JOSD1: variants seen among roughly 807,000 people sequenced by gnomAD.
JOSD1 encodes the protein Josephin domain containing 1.
In JOSD1, 11 loss-of-function variants were observed where a neutral mutation model predicts 24.3. The observed-to-expected ratio is 0.45, with a 90% CI of 0.29 to 0.75. JOSD1 has a LOEUF of 0.75. Among genes scored for constraint, JOSD1 ranks in the 30% least tolerant of loss-of-function variants. The probability of loss-of-function intolerance (pLI) is 0.11; values close to 1 mark genes in which losing one functional copy is unlikely to be tolerated. For synonymous variants in JOSD1, 106 were observed against 93.8 expected (o/e 1.13, Z -0.75); for missense variants, 184 against 253.5 (o/e 0.73, Z 1.86).
At position 38,700,029 on chromosome 22, in the gene JOSD1, C is replaced by T. The variant is rs754088885; in HGVS notation, c.-42G>A. On this transcript the variant is annotated 5_prime_UTR_variant, in exon 2 of 5. The change creates a new upstream start codon in the 5' untranslated region. Coordinates refer to ENST00000683374, the MANE Select transcript of JOSD1 (RefSeq NM_001360236.2). ...TCCAGAGATGGCTATAAACACCCCA[C>T]TCTTCCCTCTAGAGGAAGAATGTAA... is the stretch of plus-strand genomic sequence containing the variant. 5.2e-6 allele frequency: 8 copies of T among 1,538,986 alleles called. No homozygotes were observed. Among genetic ancestry groups the T allele is most frequent in the East Asian group, 4.5e-5 (2 of 44,178 alleles).
At chr22:38,688,240 G>C (rs1056032095) in intron 4 of JOSD1, among the ~76,000 whole-genome samples, 1 of 152,168 alleles carries the variant, frequency 6.6e-6, no homozygotes, top group Non-Finnish European at 1.5e-5. Context: ...GTGAATAACA[G>C]TACCCAAAGT....
At chr22:38,691,611 T>C (rs1048424447) in intron 2 of JOSD1, among the ~76,000 whole-genome samples, 1 of 152,210 alleles carries the variant, frequency 6.6e-6, no homozygotes, top group Non-Finnish European at 1.5e-5. Flanking sequence ...CTGTCTAGAA[T>C]GTTCTTTCTG....
At chr22:38,688,806 TA>T in intron 4 of JOSD1, 128 bp downstream of exon 4, 1 of 854,354 alleles carries the variant, frequency 1.2e-6, no homozygotes, top group Non-Finnish European at 1.8e-6. Flanking sequence ...ACTATGATTC[TA>T]AGGCAGGGAG....
At chr22:38,690,352 ATCTTG>A (rs1318899975) in intron 2 of JOSD1, among the ~76,000 whole-genome samples, 2 of 152,060 alleles carry the variant, frequency 1.3e-5, no homozygotes, top group African/African-American at 4.8e-5. Flanking sequence ...AACTTAAGAA[ATCTTG>A]TATTTTTAAA....
Position 38,686,165 on chromosome 22 carries a change from G to A in JOSD1, c.*1737C>T, listed in dbSNP as rs116682542. The A allele has an allele frequency of 0.022, 3,391 of 152,600 alleles. 49 individuals are homozygous for A. Among genetic ancestry groups the A allele is most frequent in the Middle Eastern group, 0.051 (15 of 294 alleles). The allele number at this position is 152,600 out of a possible 1,614,324, so 9.5% of individuals were successfully genotyped here. On this transcript the variant is annotated 3_prime_UTR_variant, in exon 5 of 5. Coordinates refer to ENST00000683374, the MANE Select transcript of JOSD1 (RefSeq NM_001360236.2). ...TAGAAAATGGTGCAGAAGAGACTGC[G>A]GCCAGTTGCTGAGAAGATATAACGC...
chr22:38,688,861 C>T, intron 4 of JOSD1, 74 bp downstream of exon 4: 1 of 1,321,504 alleles, frequency 7.6e-7, no homozygotes. Context: ...GTCAAATAAC[C>T]AGAGATGAGC....
intron 2 of JOSD1, among the ~76,000 whole-genome samples, chr22:38,698,623 C>T (rs1159296044): frequency 6.6e-6 from 1 of 152,086 alleles, no homozygotes; most frequent in African/African-American, 2.4e-5. Flanking sequence ...TACTTCTAGT[C>T]GGGGTCATCA....
At position 38,686,857 on chromosome 22, in the gene JOSD1, C is replaced by T. The variant is rs2092500132; in HGVS notation, c.*1045G>A. ...CAGAGTGAGTGAACTGGGAAAACTGCTCTTTGGCTTCTCTTTTGTCCCAGA... is the reference window on the plus strand; with the variant it reads ...CAGAGTGAGTGAACTGGGAAAACTGTTCTTTGGCTTCTCTTTTGTCCCAGA... On this transcript the variant is annotated 3_prime_UTR_variant, in exon 5 of 5. Transcript: ENST00000683374. 6.6e-6 allele frequency: 1 copy of T among 152,186 alleles called. No individual in the cohort carries two copies. Among genetic ancestry groups the T allele is most frequent in the Non-Finnish European group, 1.5e-5 (1 of 68,044 alleles). The allele number at this position is 152,186 out of a possible 1,614,324, so 9.4% of individuals were successfully genotyped here.
intron 2 of JOSD1, among the ~76,000 whole-genome samples, chr22:38,690,771 G>A (rs780193516): frequency 2.0e-5 from 3 of 151,854 alleles, no homozygotes; most frequent in Non-Finnish European, 2.9e-5. Flanking sequence ...TTGTAATTCC[G>A]GCACTCTGGG....
At chr22:38,690,951 C>T (rs2145807126) in intron 2 of JOSD1, among the ~76,000 whole-genome samples, 1 of 152,202 alleles carries the variant, frequency 6.6e-6, no homozygotes, top group South Asian at 2.1e-4. Flanking sequence ...ACGTAGGAGG[C>T]AGAGGCTGCA....
At chr22:38,696,797 T>G (rs1364635704) in intron 2 of JOSD1, among the ~76,000 whole-genome samples, 1 of 152,218 alleles carries the variant, frequency 6.6e-6, no homozygotes, top group East Asian at 1.9e-4. Context: ...TATTCACTTG[T>G]AAGCATGAAT....
At position 38,687,922 on chromosome 22, in the gene JOSD1, T is replaced by A. The variant is rs2092505092; in HGVS notation, c.589A>T (p.Ser197Cys). Residue 197 changes from serine (S) to cysteine (C), a missense_variant, in exon 5 of 5, where the codon AGT becomes TGT. Transcript: ENST00000683374. Reference sequence around the variant, plus strand: ...AACTGTTACACATCGGTCCTCCAACTCTGATGAGCCTCTACCTCTTCTGGT... The same window carrying A: ...AACTGTTACACATCGGTCCTCCAACACTGATGAGCCTCTACCTCTTCTGGT... ...VVPEEVEAHQ[S>C]WRTDV 9 of 1,613,476 alleles carry A rather than the reference T, an allele frequency of 5.6e-6. No homozygotes were observed. Among genetic ancestry groups the A allele is most frequent in the Non-Finnish European group, 7.6e-6 (9 of 1,179,360 alleles).
chr22:38,687,710 C>T lies in JOSD1; in HGVS notation c.*192G>A. 1.8e-6 allele frequency: 1 copy of T among 559,520 alleles called. No homozygotes were observed. Among genetic ancestry groups the T allele is most frequent in the Non-Finnish European group, 3.2e-6 (1 of 313,072 alleles). 34.7% of individuals were successfully genotyped at this position (559,520 alleles called of 1,614,324 possible). A position where few individuals can be genotyped will look rare whatever the true frequency, so the allele number is the denominator to read the frequency against. ...CTTAAGTGCACAGAACTCCTACCTT[C>T]CTTGCCCAGGAACAAAACACTGAGT... On this transcript the variant is annotated 3_prime_UTR_variant, in exon 5 of 5. Transcript: ENST00000683374.
At chr22:38,698,901 C>T (rs763031196) in intron 2 of JOSD1, among the ~76,000 whole-genome samples, 3 of 152,140 alleles carry the variant, frequency 2.0e-5, no homozygotes, top group Non-Finnish European at 4.4e-5. Context: ...GGACTACAGG[C>T]GTGCACCACC....
chr22:38,698,228 T>A (rs1417206241), intron 2 of JOSD1, among the ~76,000 whole-genome samples: 1 of 152,192 alleles, frequency 6.6e-6, no homozygotes, highest in African/African-American at 2.4e-5. Flanking sequence ...AATTATTTTA[T>A]CTCCCAGTGC....
At chr22:38,693,350 C>T (rs751818319) in intron 2 of JOSD1, among the ~76,000 whole-genome samples, 2 of 152,178 alleles carry the variant, frequency 1.3e-5, no homozygotes, top group Admixed American at 6.5e-5. Context: ...TACCTCACAC[C>T]TTGACTTCTG....
intron 2 of JOSD1, among the ~76,000 whole-genome samples, chr22:38,698,884 C>A (rs1207743648): frequency 6.6e-6 from 1 of 152,110 alleles, no homozygotes; most frequent in Non-Finnish European, 1.5e-5. Flanking sequence ...AGCCTCCCGA[C>A]TAGCTGGGAC....
At chr22:38,693,455 C>A (rs1398873239) in intron 2 of JOSD1, among the ~76,000 whole-genome samples, 4 of 152,220 alleles carry the variant, frequency 2.6e-5, no homozygotes, top group Non-Finnish European at 4.4e-5. Flanking sequence ...GGCATCAATT[C>A]ACTTCCCTTT....
chr22:38,688,562 G>C (rs2092508257), intron 4 of JOSD1, among the ~76,000 whole-genome samples: 1 of 152,116 alleles, frequency 6.6e-6, no homozygotes, highest in Non-Finnish European at 1.5e-5. Flanking sequence ...CGCCTCTAAA[G>C]AACTTTTACA....
Sources: allele counts gnomAD v4.1 joint callset (sites outside exome capture counted in the v4.1 genomes callset), GRCh38; gene constraint gnomAD v4.1.1; transcripts MANE v1.5; gene names NCBI Gene and HGNC (gene_info 2026-07-23, HGNC 2026-07-21).